The following TEX14 variants were observed in gnomAD, a reference collection of about 807,000 sequenced individuals.
TEX14 encodes the protein testis expressed 14, intercellular bridge forming factor, also known as inactive serine/threonine-protein kinase TEX14.
A neutral mutation model predicts 178.6 loss-of-function variants in TEX14; 168 were observed. The ratio of observed to expected loss-of-function variants is 0.94; its 90% CI spans 0.83 to 1.07. TEX14 has a LOEUF of 1.07. Among genes scored for constraint, TEX14 ranks in the 50% least tolerant of loss-of-function variants. TEX14 has a pLI of 0.00. For missense variants in TEX14, 1,730 were observed against 1,753.6 expected, an observed-to-expected ratio of 0.99 and a Z score of 0.24; for synonymous variants, 626 against 634.1, an observed-to-expected ratio of 0.99 and a Z score of 0.19.
At chr17:58,657,570 A>C (rs1385437206) in intron 1 of TEX14, among the ~76,000 whole-genome samples, 2 of 118,746 alleles carry the variant, frequency 1.7e-5, no homozygotes, top group Admixed American at 1.2e-4. Context: ...GTTAGAGTGC[A>C]GTTGTGGAAT....
At chr17:58,617,475 GA>G in intron 6 of TEX14, 62 bp downstream of exon 6, 1 of 1,248,586 alleles carries the variant, frequency 8.0e-7, no homozygotes, top group Non-Finnish European at 1.2e-6. Flanking sequence ...AAAGGTGGGA[GA>G]TGGGGCCCGA....
intron 6 of TEX14, among the ~76,000 whole-genome samples, chr17:58,617,188 C>T (rs962230378): frequency 2.0e-5 from 3 of 152,086 alleles, no homozygotes; most frequent in African/African-American, 7.2e-5. Flanking sequence ...GCAGAGGTTG[C>T]AGCAGTGAGC....
chr17:58,659,767 G>A (rs1466566143), intron 1 of TEX14, among the ~76,000 whole-genome samples: 2 of 151,994 alleles, frequency 1.3e-5, no homozygotes, highest in Non-Finnish European at 2.9e-5. Context: ...CGTGATCTCG[G>A]CTTACTGCAA....
At position 58,617,560 on chromosome 17, in the gene TEX14, A is replaced by C. The variant is rs768017772; in HGVS notation, c.614T>G (p.Ile205Ser). 1 of 1,613,896 alleles carries C rather than the reference A, an allele frequency of 6.2e-7. No individual in the cohort carries two copies. Residue 205 changes from isoleucine to serine, a missense_variant, in exon 6 of 32, where the codon ATC becomes AGC. Around this residue, in one of 2 missense-constraint regions of TEX14, gnomAD observed 789 missense variants for 681.2 expected, o/e 1.16. Transcript: ENST00000349033. ...LKAGVISAQN[I>S]YSFGFGKFYL... ...TACCTTCCCAAAACCAAAGCTGTAG[A>C]TATTTTGAGCAGAAATGACTCCAGC...
rs28380537 is a variant in TEX14 at position 58,687,058 on chromosome 17, A to G, written c.-2+4881T>C. ...CTGTAGGGAGCTGAAGGCCCATGGG[A>G]TGTGACCAACTCAGCATTCCACTGG... On this transcript the variant is annotated intron_variant, in intron 1 of 31. Transcript: ENST00000349033. Among the ~76,000 whole-genome samples, 140 of 151,774 alleles carry G rather than the reference A, an allele frequency of 9.2e-4. 1 individual carries two copies. The highest frequency in any genetic ancestry group is 3.3e-3 in the African/African-American group (137 of 41,404).
intron 1 of TEX14, chr17:58,679,678 G>A (rs931576418): frequency 2.6e-5 from 4 of 152,128 alleles, no homozygotes; most frequent in African/African-American, 7.2e-5. Flanking sequence ...TATTTCCCTT[G>A]CCAGTTAAGT....
intron 1 of TEX14, chr17:58,661,080 A>G: frequency 1.9e-6 from 2 of 1,053,676 alleles, no homozygotes; most frequent in Non-Finnish European, 3.0e-6. Context: ...ATTGTAGACA[A>G]CTTATGCTCC....
intron 2 of TEX14, among the ~76,000 whole-genome samples, chr17:58,644,343 T>TA (rs2046645895): frequency 6.6e-6 from 1 of 151,896 alleles, no homozygotes; most frequent in South Asian, 2.1e-4. Context: ...TTTGTTTTTG[T>TA]TTTTTTTGAG....
intron 8 of TEX14, among the ~76,000 whole-genome samples, chr17:58,614,022 T>C (rs1156674194): frequency 1.3e-5 from 2 of 152,160 alleles, no homozygotes; most frequent in Non-Finnish European, 1.5e-5. Flanking sequence ...AGGGTTTCTG[T>C]TGGAATCTGT....
intron 8 of TEX14, 64 bp downstream of exon 8, chr17:58,615,168 T>C (rs1019239010): frequency 2.1e-5 from 19 of 906,760 alleles, no homozygotes; most frequent in South Asian, 2.9e-5. Context: ...CAGAGCTGAA[T>C]AGCCCAGAAC....
intron 1 of TEX14, among the ~76,000 whole-genome samples, chr17:58,657,354 A>T (rs1439456526): frequency 6.6e-6 from 1 of 151,988 alleles, no homozygotes. Flanking sequence ...ATCCTGAAGG[A>T]ATCACTAGCA....
chr17:58,671,028 C>T (rs2047296968), intron 1 of TEX14, among the ~76,000 whole-genome samples: 1 of 152,054 alleles, frequency 6.6e-6, no homozygotes, highest in African/African-American at 2.4e-5. Context: ...CCTTCTGGAA[C>T]TCTCATTGCA....
intron 30 of TEX14, 137 bp downstream of exon 30, chr17:58,559,316 G>T (rs2044222311): frequency 5.5e-6 from 3 of 540,864 alleles, no homozygotes; most frequent in Non-Finnish European, 9.8e-6. Flanking sequence ...GAAAACCTGA[G>T]CTGAACTGCA....
At chr17:58,673,687 G>A (rs918248966) in intron 1 of TEX14, among the ~76,000 whole-genome samples, 7 of 151,470 alleles carry the variant, frequency 4.6e-5, no homozygotes, top group African/African-American at 1.2e-4. Context: ...TCACCCTCCC[G>A]AGTAGCTGGG....
intron 2 of TEX14, chr17:58,648,106 T>G (rs2046755835): frequency 6.6e-6 from 1 of 152,266 alleles, no homozygotes; most frequent in Non-Finnish European, 1.5e-5. Context: ...TTGTGGCAAC[T>G]CCAGAGCTGA....
At position 58,557,798 on chromosome 17, in the gene TEX14, C is replaced by T. The variant is rs755001186; in HGVS notation, c.4319+1G>A. On this transcript the variant is annotated splice_donor_variant, in intron 31 of 31. Coordinates refer to ENST00000349033, the MANE Select transcript of TEX14 (RefSeq NM_031272.5). LOFTEE classifies it high-confidence loss of function. ...TCTACAAACATCTGATATTTCATTA[C>T]CTGGATGATTCGGACCAACCTAGTC... 5 of 1,609,202 alleles carry T rather than the reference C, an allele frequency of 3.1e-6. No homozygotes were observed. The highest frequency in any genetic ancestry group is 4.2e-6 in the Non-Finnish European group (5 of 1,176,996).
At chr17:58,686,860 CCTTTTTTT>C (rs1176817271) in intron 1 of TEX14, among the ~76,000 whole-genome samples, 4 of 136,778 alleles carry the variant, frequency 2.9e-5, no homozygotes, top group African/African-American at 5.4e-5. Context: ...TGAAAGGTCA[CCTTTTTTT>C]TTTTTTTTTT....
chr17:58,614,329 A>G (rs1355676670), intron 8 of TEX14, among the ~76,000 whole-genome samples: 1 of 152,134 alleles, frequency 6.6e-6, no homozygotes, highest in East Asian at 1.9e-4. Context: ...GTCTCTACTG[A>G]AAATACAAAA....
At chr17:58,616,544 C>T (rs1241005039) in intron 6 of TEX14, among the ~76,000 whole-genome samples, 1 of 151,772 alleles carries the variant, frequency 6.6e-6, no homozygotes, top group Non-Finnish European at 1.5e-5. Context: ...GATCCTCCCA[C>T]TCCACCCTCC....
Sources: allele counts gnomAD v4.1 joint callset (sites outside exome capture counted in the v4.1 genomes callset), GRCh38; gene constraint gnomAD v4.1.1; regional missense constraint gnomAD v4.1.1; transcripts MANE v1.5; gene names NCBI Gene and HGNC (gene_info 2026-07-23, HGNC 2026-07-21).